The following SHC3 variants were observed in gnomAD, a reference collection of about 807,000 sequenced individuals.
The protein encoded by SHC3 is SHC-transforming protein 3.
SHC3 carries 15 observed loss-of-function variants against 60.4 expected under a neutral mutation model. The ratio of observed to expected loss-of-function variants is 0.25; its 90% CI spans 0.17 to 0.38. The LOEUF (loss-of-function observed/expected upper bound fraction) is 0.38. Ranked by LOEUF, SHC3 falls within the 10% of genes least tolerant of loss-of-function variation. The pLI, the probability that SHC3 is intolerant of heterozygous loss-of-function variation, is 1.00. For missense variants in SHC3, 677 were observed against 786.1 expected (o/e 0.86, Z 1.66); for synonymous variants, 294 against 325.9 (o/e 0.90, Z 1.05).
chr9:89,163,449 A>G (rs889212259), intron 1 of SHC3, among the ~76,000 whole-genome samples: 2 of 151,656 alleles, frequency 1.3e-5, no homozygotes, highest in Non-Finnish European at 2.9e-5. Context: ...TTGTAGGGAC[A>G]TGGATGAAAT....
At chr9:89,027,414 G>A (rs1167059070) in intron 11 of SHC3, among the ~76,000 whole-genome samples, 1 of 150,504 alleles carries the variant, frequency 6.6e-6, no homozygotes, top group East Asian at 1.9e-4. Context: ...GTGCCCCCCG[G>A]GTTCACGCCA....
At chr9:89,112,435 T>C in intron 2 of SHC3, 121 bp downstream of exon 2, 1 of 1,002,236 alleles carries the variant, frequency 1.0e-6, no homozygotes, top group Non-Finnish European at 1.5e-6. Flanking sequence ...ACTGACTCAC[T>C]GTCACCAGCC....
intron 6 of SHC3, among the ~76,000 whole-genome samples, chr9:89,062,169 A>G (rs897843241): frequency 6.6e-6 from 1 of 152,222 alleles, no homozygotes; most frequent in African/African-American, 2.4e-5. Context: ...TAATATATAC[A>G]TAAGGTTGCA....
chr9:89,110,087 A>T, intron 2 of SHC3: 2 of 985,446 alleles, frequency 2.0e-6, no homozygotes, highest in Non-Finnish European at 2.4e-6. Flanking sequence ...AAAAGGAAAC[A>T]CCTTTCCAAA....
Position 89,006,663 on chromosome 9 carries a change from G to T in SHC3, c.*6784C>A, listed in dbSNP as rs1357553541. On this transcript the variant is annotated 3_prime_UTR_variant, in exon 12 of 12. Coordinates refer to ENST00000375835, the MANE Select transcript of SHC3 (RefSeq NM_016848.6). ...TTATTACACATTAAATTTACATGGAGTTGTCTCCTAATCCTGGGATTTTAA... is the reference window on the plus strand; with the variant it reads ...TTATTACACATTAAATTTACATGGATTTGTCTCCTAATCCTGGGATTTTAA... The T allele has an allele frequency of 6.6e-6, 1 of 152,204 alleles. No homozygotes were observed. Among genetic ancestry groups the T allele is most frequent in the Non-Finnish European group, 1.5e-5 (1 of 68,040 alleles). The allele number at this position is 152,204 out of a possible 1,614,324, so 9.4% of individuals were successfully genotyped here.
At chr9:89,175,159 C>T (rs1328209359) in intron 1 of SHC3, among the ~76,000 whole-genome samples, 5 of 152,154 alleles carry the variant, frequency 3.3e-5, no homozygotes, top group Admixed American at 6.5e-5. Flanking sequence ...GTTCCTTGTT[C>T]TTTCTTTTAC....
chr9:89,065,282 G>T (rs1350081902), intron 6 of SHC3, among the ~76,000 whole-genome samples: 1 of 152,190 alleles, frequency 6.6e-6, no homozygotes, highest in African/African-American at 2.4e-5. Flanking sequence ...GGGGCTGTTT[G>T]TGTGTAAATC....
intron 2 of SHC3, among the ~76,000 whole-genome samples, chr9:89,091,172 T>A (rs144506593): frequency 6.6e-6 from 1 of 152,356 alleles, no homozygotes; most frequent in East Asian, 1.9e-4. Flanking sequence ...GAACAATATG[T>A]TAGAGTGCAT....
intron 2 of SHC3, among the ~76,000 whole-genome samples, chr9:89,091,097 C>A (rs568298420): frequency 1.3e-5 from 2 of 152,288 alleles, no homozygotes; most frequent in Admixed American, 1.3e-4. Context: ...AGTAAATTCT[C>A]CCTAAATTAA....
At chr9:89,120,477 A>G (rs1826077089) in intron 1 of SHC3, among the ~76,000 whole-genome samples, 1 of 152,240 alleles carries the variant, frequency 6.6e-6, no homozygotes, top group Admixed American at 6.5e-5. Context: ...GTAATCTGAG[A>G]AATTAAAATT....
At position 89,022,030 on chromosome 9, in the gene SHC3, T is replaced by C. The variant is rs560634725; in HGVS notation, c.1657-8455A>G. On this transcript the variant is annotated intron_variant, in intron 11 of 11. Coordinates refer to ENST00000375835, the MANE Select transcript of SHC3 (RefSeq NM_016848.6). ...CTGCGTAATTTCCATATTTCCTTTG[T>C]AGCGAACAAAGGCACAATGTCAATG... is the stretch of plus-strand genomic sequence containing the variant. Among the ~76,000 whole-genome samples, 8 of 152,258 alleles carry C rather than the reference T, an allele frequency of 5.3e-5. No homozygotes were observed. In the South Asian group the frequency reaches 1.0e-3, roughly 20 times the overall value.
intron 2 of SHC3, among the ~76,000 whole-genome samples, chr9:89,081,397 T>C (rs553222783): frequency 1.3e-5 from 2 of 152,170 alleles, no homozygotes; most frequent in Non-Finnish European, 2.9e-5. Flanking sequence ...AGCCAAATAT[T>C]GAAGCTTTAC....
intron 1 of SHC3, among the ~76,000 whole-genome samples, chr9:89,147,188 G>A (rs1329547218): frequency 6.6e-6 from 1 of 151,028 alleles, no homozygotes; most frequent in Non-Finnish European, 1.5e-5. Flanking sequence ...AAAAAAAAAA[G>A]CCCTTCAACC....
chr9:89,101,236 A>G (rs961148752), intron 2 of SHC3, among the ~76,000 whole-genome samples: 15 of 152,074 alleles, frequency 9.9e-5, no homozygotes, highest in African/African-American at 3.6e-4. Context: ...TAGAAATGCA[A>G]TTGATATTTG....
chr9:89,165,980 A>G (rs948277196), intron 1 of SHC3, among the ~76,000 whole-genome samples: 4 of 152,108 alleles, frequency 2.6e-5, no homozygotes, highest in Non-Finnish European at 5.9e-5. Flanking sequence ...ATCTTTTGGA[A>G]AATTGCCAGT....
At chr9:89,146,471 T>C (rs1826471552) in intron 1 of SHC3, among the ~76,000 whole-genome samples, 1 of 150,768 alleles carries the variant, frequency 6.6e-6, no homozygotes, top group Non-Finnish European at 1.5e-5. Flanking sequence ...GAAAAAGAAA[T>C]GGAAAGCAAG....
chr9:89,056,603 T>C (rs1824955017), intron 6 of SHC3, among the ~76,000 whole-genome samples: 1 of 152,240 alleles, frequency 6.6e-6, no homozygotes, highest in African/African-American at 2.4e-5. Flanking sequence ...AGAGGTTTAG[T>C]TCAGTTAAAA....
At chr9:89,102,969 T>C (rs1400743154) in intron 2 of SHC3, among the ~76,000 whole-genome samples, 8 of 152,190 alleles carry the variant, frequency 5.3e-5, no homozygotes, top group Non-Finnish European at 1.0e-4. Flanking sequence ...GCTCAATATT[T>C]AGCCTGGAGG....
At chr9:89,066,816 C>T (rs1825190691) in intron 5 of SHC3, among the ~76,000 whole-genome samples, 1 of 152,124 alleles carries the variant, frequency 6.6e-6, no homozygotes, top group Non-Finnish European at 1.5e-5. Flanking sequence ...CTCAACAGTG[C>T]CCTACAAAAG....
Sources: allele counts gnomAD v4.1 joint callset (sites outside exome capture counted in the v4.1 genomes callset), GRCh38; gene constraint gnomAD v4.1.1; transcripts MANE v1.5; gene names NCBI Gene and HGNC (gene_info 2026-07-23, HGNC 2026-07-21).